Variants in ANKRD28 observed in about 807,000 individuals in gnomAD.
ANKRD28 encodes serine/threonine-protein phosphatase 6 regulatory ankyrin repeat subunit A.
ANKRD28 carries 44 observed loss-of-function variants against 126.5 expected under a neutral mutation model. That is an observed-to-expected ratio of 0.35 (90% CI 0.27 to 0.45). ANKRD28 has a LOEUF of 0.45. ANKRD28 is among the 20% of genes least tolerant of loss of function. The probability of loss-of-function intolerance (pLI) is 1.00; values close to 1 mark genes in which losing one functional copy is unlikely to be tolerated. For missense variants in ANKRD28, 1,110 were observed against 1,316.6 expected (o/e 0.84, Z 2.43); for synonymous variants, 442 against 468.5 (o/e 0.94, Z 0.73).
intron 12 of ANKRD28, among the ~76,000 whole-genome samples, chr3:15,709,977 G>C (rs1266300329): frequency 6.6e-6 from 1 of 151,738 alleles, no homozygotes; most frequent in African/African-American, 2.4e-5. Context: ...TTGTTTAAAA[G>C]GAAGATCACA....
chr3:15,849,192 A>G (rs1242427668), intron 1 of ANKRD28, among the ~76,000 whole-genome samples: 1 of 152,212 alleles, frequency 6.6e-6, no homozygotes, highest in Non-Finnish European at 1.5e-5. Context: ...ATGTTCATGG[A>G]AAGACTATTA....
At chr3:15,701,648 A>G (rs529678789) in intron 14 of ANKRD28, among the ~76,000 whole-genome samples, 1 of 144,410 alleles carries the variant, frequency 6.9e-6, no homozygotes, top group Admixed American at 6.7e-5. Flanking sequence ...CCGTCTCAAA[A>G]AATAAATAAA....
chr3:15,695,874 G>T (rs965066362), intron 15 of ANKRD28, among the ~76,000 whole-genome samples: 1 of 151,964 alleles, frequency 6.6e-6, no homozygotes, highest in Non-Finnish European at 1.5e-5. Context: ...AATTTAAAGG[G>T]GCAGGAGAAG....
chr3:15,677,591 T>A, intron 24 of ANKRD28, 29 bp from the exon 25 acceptor site: 1 of 1,516,280 alleles, frequency 6.6e-7, no homozygotes, highest in African/African-American at 1.4e-5. Flanking sequence ...TCAATTCTTA[T>A]GTTTATGAAC....
chr3:15,796,278 T>C, intron 1 of ANKRD28, 127 bp downstream of exon 1: 1 of 425,560 alleles, frequency 2.3e-6, no homozygotes. Flanking sequence ...GCATCATATC[T>C]ACACACGTAT....
chr3:15,676,740 GA>G (rs1359849125), intron 26 of ANKRD28: 4 of 359,850 alleles, frequency 1.1e-5, no homozygotes, highest in Admixed American at 8.7e-5. Flanking sequence ...GTGGATTAAG[GA>G]AAAAAATACA....
At chr3:15,840,810 A>G (rs987189714) in intron 1 of ANKRD28, among the ~76,000 whole-genome samples, 4 of 152,222 alleles carry the variant, frequency 2.6e-5, no homozygotes, top group East Asian at 3.8e-4. Context: ...TCTTCAATAA[A>G]TGGTGCCAGG....
At chr3:15,753,899 G>A (rs2058016439) in intron 3 of ANKRD28, among the ~76,000 whole-genome samples, 1 of 152,080 alleles carries the variant, frequency 6.6e-6, no homozygotes, top group Non-Finnish European at 1.5e-5. Context: ...AGCCGAGATT[G>A]CACCACACAC....
At chr3:15,805,010 T>C (rs1226860176) in intron 1 of ANKRD28, among the ~76,000 whole-genome samples, 1 of 145,424 alleles carries the variant, frequency 6.9e-6, no homozygotes, top group Non-Finnish European at 1.5e-5. Context: ...CCAACACACA[T>C]GTACTTACGT....
chr3:15,806,010 A>G (rs2060569266), intron 1 of ANKRD28, among the ~76,000 whole-genome samples: 1 of 152,212 alleles, frequency 6.6e-6, no homozygotes, highest in Admixed American at 6.5e-5. Flanking sequence ...GGAGACAAAA[A>G]TACTGACCAT....
chr3:15,728,038 G>C (rs2074309303), intron 6 of ANKRD28, among the ~76,000 whole-genome samples: 1 of 152,190 alleles, frequency 6.6e-6, no homozygotes, highest in Non-Finnish European at 1.5e-5. Context: ...GCACATCTTT[G>C]TCTCATTTCA....
intron 11 of ANKRD28, 109 bp from the exon 12 acceptor site, chr3:15,711,383 T>C: frequency 2.3e-6 from 2 of 864,112 alleles, no homozygotes; most frequent in Non-Finnish European, 3.7e-6. Context: ...CAAACAAAAC[T>C]ATGGGTTCTT....
intron 4 of ANKRD28, among the ~76,000 whole-genome samples, chr3:15,737,505 C>G: frequency 6.6e-6 from 1 of 152,228 alleles, no homozygotes; most frequent in Non-Finnish European, 1.5e-5. Context: ...CATAAACATT[C>G]CTATCAAAAT....
At chr3:15,677,177 T>C in intron 25 of ANKRD28, 121 bp from the exon 26 acceptor site, 1 of 785,740 alleles carries the variant, frequency 1.3e-6, no homozygotes, top group South Asian at 1.7e-5. Flanking sequence ...ACCATGAATT[T>C]TCCTGGCTAA....
intron 1 of ANKRD28, among the ~76,000 whole-genome samples, chr3:15,850,554 C>T (rs998004819): frequency 6.6e-6 from 1 of 152,018 alleles, no homozygotes; most frequent in African/African-American, 2.4e-5. Context: ...ATGACTCCAA[C>T]CTTTGCCTCC....
chr3:15,762,089 G>C (rs1385227242), intron 3 of ANKRD28, among the ~76,000 whole-genome samples: 1 of 151,506 alleles, frequency 6.6e-6, no homozygotes, highest in Non-Finnish European at 1.5e-5. Context: ...AGGAGGCTGA[G>C]GCAGGAGAAT....
At chr3:15,850,253 AGAGAG>A (rs1559598418) in intron 1 of ANKRD28, among the ~76,000 whole-genome samples, 17 of 141,964 alleles carry the variant, frequency 1.2e-4, no homozygotes, top group Admixed American at 3.5e-4. Flanking sequence ...AGAGAGAGAG[AGAGAG>A]AGAGAAAGTT....
chr3:15,751,656 C>T, intron 4 of ANKRD28, 94 bp downstream of exon 4: 1 of 863,028 alleles, frequency 1.2e-6, no homozygotes, highest in East Asian at 2.9e-5. Flanking sequence ...GTAGCTTTTC[C>T]TTCTTTTGAA....
rs1482681169 is a variant in ANKRD28 at position 15,846,119 on chromosome 3, C to T, written c.27+13258G>A. Among the ~76,000 whole-genome samples, 4 of 151,272 alleles carry T rather than the reference C, an allele frequency of 2.6e-5. No homozygotes were observed. The highest frequency in any genetic ancestry group is 4.9e-5 in the African/African-American group (2 of 41,098). ...CTCCCAAAATCTTAACTCGTCCCAGCGTTAACTCAGAAATCCAAGCCCAAA... is the reference window on the plus strand; with the variant it reads ...CTCCCAAAATCTTAACTCGTCCCAGTGTTAACTCAGAAATCCAAGCCCAAA... On this transcript the variant is annotated intron_variant, in intron 1 of 27. Transcript: ENST00000399451. This position sits in a 1 kb window ranked among gnomAD's most constrained non-coding sequence, Gnocchi z 5.4.
Sources: gnomAD v4.1 joint callset for allele counts (sites outside exome capture counted in the v4.1 genomes callset) on GRCh38, gnomAD v4.1.1 for gene constraint, Gnocchi (gnomAD v3.1) non-coding constraint, MANE v1.5 for transcripts, NCBI Gene and HGNC (gene_info 2026-07-23, HGNC 2026-07-21) for gene names.